SV2B: variants seen among roughly 807,000 people sequenced by gnomAD.
SV2B encodes solute carrier family 22 member B2.
In SV2B, 41 loss-of-function variants were observed where a neutral mutation model predicts 73.9. The observed-to-expected ratio is 0.56, with a 90% CI of 0.43 to 0.72. SV2B has a LOEUF of 0.72. Among genes scored for constraint, SV2B ranks in the 30% least tolerant of loss-of-function variants. The pLI is 0.00. For synonymous variants in SV2B, 314 were observed against 314.2 expected (o/e 1.00, Z 0.01); for missense variants, 764 against 857.8 (o/e 0.89, Z 1.37).
intron 1 of SV2B, among the ~76,000 whole-genome samples, chr15:91,174,010 T>C (rs531042609): frequency 2.1e-4 from 32 of 152,334 alleles, no homozygotes; most frequent in African/African-American, 7.5e-4. Context: ...AGTGTCTATG[T>C]GAGAAAATAT....
chr15:91,266,506 T>G (rs1425338955), intron 6 of SV2B, 76 bp from the exon 7 acceptor site: 2 of 1,140,746 alleles, frequency 1.8e-6, no homozygotes, highest in Admixed American at 3.8e-5. Flanking sequence ...GTTTAAATAG[T>G]TACATTAAAC....
At chr15:91,260,255 C>T in intron 5 of SV2B, 65 bp from the exon 6 acceptor site, 1 of 1,416,310 alleles carries the variant, frequency 7.1e-7, no homozygotes, top group Non-Finnish European at 9.6e-7. Flanking sequence ...GGATTTTCCA[C>T]CCCTAATGAA....
At position 91,258,328 on chromosome 15, in the gene SV2B, C is replaced by T. The variant is rs1049937682; in HGVS notation, c.785-93C>T. ...CACCTCCCCGGGTGACTCTCTTGTGCCCTGAAGTTTGTGAGCCAGGGCTTC... is the reference window on the plus strand; with the variant it reads ...CACCTCCCCGGGTGACTCTCTTGTGTCCTGAAGTTTGTGAGCCAGGGCTTC... On this transcript the variant is annotated intron_variant, in intron 4 of 12. Coordinates refer to ENST00000394232, the MANE Select transcript of SV2B (RefSeq NM_001323032.3). The surrounding 1 kb of genome is among the most constrained non-coding windows in gnomAD (Gnocchi z 4.7). The T allele has an allele frequency of 8.4e-6, 13 of 1,550,266 alleles. No individual in the cohort carries two copies. In the Admixed American group the frequency reaches 2.0e-4, roughly 24 times the overall value.
At chr15:91,199,198 G>T (rs1270135966) in intron 1 of SV2B, among the ~76,000 whole-genome samples, 2 of 152,086 alleles carry the variant, frequency 1.3e-5, no homozygotes, top group African/African-American at 4.8e-5. Flanking sequence ...GTAAACTATA[G>T]AGAGTAAACC....
Position 91,293,619 on chromosome 15 carries a change from G to T in SV2B, c.*1067G>T, listed in dbSNP as rs2049121303. On this transcript the variant is annotated 3_prime_UTR_variant, in exon 13 of 13. Transcript: ENST00000394232. ...TGTTCAGTGGCCTCTGGTACTCTTT[G>T]CAGGCAAGAATCAAACAACATGGGG... 6.6e-6 allele frequency: 1 copy of T among 152,226 alleles called. No individual in the cohort carries two copies. The highest frequency in any genetic ancestry group is 6.5e-5 in the Admixed American group (1 of 15,284). The allele number at this position is 152,226 out of a possible 1,614,324, so 9.4% of individuals were successfully genotyped here. A position where few individuals can be genotyped will look rare whatever the true frequency, so the allele number is the denominator to read the frequency against.
intron 1 of SV2B, among the ~76,000 whole-genome samples, chr15:91,175,807 C>T (rs1466000848): frequency 2.6e-5 from 4 of 151,382 alleles, no homozygotes; most frequent in East Asian, 3.9e-4. Flanking sequence ...TAAAATCTTT[C>T]GGGTTTGAAG....
chr15:91,104,654 A>T (rs1453321829), intron 1 of SV2B, among the ~76,000 whole-genome samples: 2 of 152,174 alleles, frequency 1.3e-5, no homozygotes, highest in South Asian at 4.1e-4. Context: ...TATTTTTGAG[A>T]TGGAGTTTCA....
rs1343606874 is a variant in SV2B, at chr15:91,290,982, C to T, written c.1868+1302C>T. Among the ~76,000 whole-genome samples, 1 of 151,564 alleles carries T rather than the reference C, an allele frequency of 6.6e-6. No individual in the cohort carries two copies. Among genetic ancestry groups the T allele is most frequent in the Non-Finnish European group, 1.5e-5 (1 of 67,942 alleles). On this transcript the variant is annotated intron_variant, in intron 12 of 12. Transcript: ENST00000394232. The surrounding 1 kb of genome is among the most constrained non-coding windows in gnomAD (Gnocchi z 4.7). ...TGAGCTAGGATCACAACACTGCACA[C>T]CAACCTGGGTGACAGAGACAGACCC...
rs78752855 is a variant in SV2B at position 91,301,763 on chromosome 15, A to T, written c.*9211A>T. On this transcript the variant is annotated 3_prime_UTR_variant, in exon 13 of 13. Coordinates refer to ENST00000394232, the MANE Select transcript of SV2B (RefSeq NM_001323032.3). This position sits in a 1 kb window ranked among gnomAD's most constrained non-coding sequence, Gnocchi z 4.3. ...TAAAAGATTTTGGGATATTGGCATTATACCTACCAGCTGAGCATCCCAAGT... is the reference window on the plus strand; with the variant it reads ...TAAAAGATTTTGGGATATTGGCATTTTACCTACCAGCTGAGCATCCCAAGT... Among the ~76,000 whole-genome samples the T allele has an allele frequency of 3.2e-4, 49 of 152,344 alleles. 1 individual carries two copies. The East Asian group carries it at 7.7e-3, about 24-fold the overall frequency.
At position 91,150,908 on chromosome 15, in the gene SV2B, C is replaced by T. The variant is rs192403387; in HGVS notation, c.-392+50545C>T. 1.1e-4 allele frequency among the ~76,000 whole-genome samples: 17 copies of T among 152,308 alleles called. No individual in the cohort carries two copies. The East Asian group carries it at 2.7e-3, about 24-fold the overall frequency. On this transcript the variant is annotated intron_variant, in intron 1 of 12. Coordinates refer to ENST00000394232, the MANE Select transcript of SV2B (RefSeq NM_001323032.3). ...GAAGGAGTTTTGAATTCTGCACCCCCACCCCTCTGCTCCTGGGCTAGACTT... is the reference window on the plus strand; with the variant it reads ...GAAGGAGTTTTGAATTCTGCACCCCTACCCCTCTGCTCCTGGGCTAGACTT...
At chr15:91,215,834 A>G (rs1033940581) in intron 1 of SV2B, among the ~76,000 whole-genome samples, 2 of 152,222 alleles carry the variant, frequency 1.3e-5, no homozygotes, top group Non-Finnish European at 2.9e-5. Context: ...TGATAAACAT[A>G]CTTCTCCATA....
intron 11 of SV2B, among the ~76,000 whole-genome samples, chr15:91,286,451 T>G (rs2141784460): frequency 6.6e-6 from 1 of 152,300 alleles, no homozygotes; most frequent in African/African-American, 2.4e-5. Flanking sequence ...ATAACATTTA[T>G]TTATGCAGTA....
At chr15:91,251,711 CAG>C in intron 2 of SV2B, 106 bp from the exon 3 acceptor site, 1 of 1,296,814 alleles carries the variant, frequency 7.7e-7, no homozygotes, top group African/African-American at 1.5e-5. Context: ...GTCTATGACA[CAG>C]AAATTCTAGG....
At chr15:91,257,785 A>ACCC (rs761824612) in intron 4 of SV2B, among the ~76,000 whole-genome samples, 31 of 151,870 alleles carry the variant, frequency 2.0e-4, no homozygotes, top group Non-Finnish European at 4.3e-4. Flanking sequence ...TGAGGCCTTG[A>ACCC]CCCCCATCCC....
intron 1 of SV2B, among the ~76,000 whole-genome samples, chr15:91,211,473 C>T (rs2045858748): frequency 6.6e-6 from 1 of 151,676 alleles, no homozygotes; most frequent in South Asian, 2.1e-4. Context: ...TCTTCCTCTT[C>T]CTCCGCTGCT....
At chr15:91,273,082 C>A (rs901996356) in intron 9 of SV2B, among the ~76,000 whole-genome samples, 1 of 152,110 alleles carries the variant, frequency 6.6e-6, no homozygotes, top group South Asian at 2.1e-4. Context: ...ATCCGCCCCC[C>A]TCGGCCTCCC....
chr15:91,125,781 C>CAAAAAAGAAAAAAAAAA (rs2042460993), intron 1 of SV2B, among the ~76,000 whole-genome samples: 1 of 57,118 alleles, frequency 1.8e-5, no homozygotes, highest in Non-Finnish European at 3.5e-5. Flanking sequence ...TCTCAAGGGG[C>CAAAAAAGAAAAAAAAAA]AAAAAAAAAA....
At chr15:91,270,995 G>GGAC (rs2048291537) in intron 9 of SV2B, among the ~76,000 whole-genome samples, 1 of 151,864 alleles carries the variant, frequency 6.6e-6, no homozygotes, top group African/African-American at 2.4e-5. Flanking sequence ...TGAGTCCTGT[G>GGAC]GATGATGGGA....
chr15:91,158,064 T>C (rs151264022), intron 1 of SV2B, among the ~76,000 whole-genome samples: 1 of 152,290 alleles, frequency 6.6e-6, no homozygotes, highest in African/African-American at 2.4e-5. Flanking sequence ...TTGTCCTCAG[T>C]TTGTTTACCT....
Sources: allele counts gnomAD v4.1 joint callset (sites outside exome capture counted in the v4.1 genomes callset), GRCh38; gene constraint gnomAD v4.1.1; non-coding constraint Gnocchi (gnomAD v3.1); transcripts MANE v1.5; gene names NCBI Gene and HGNC (gene_info 2026-07-23, HGNC 2026-07-21).